The following LAPTM4B variants were observed in gnomAD, a reference collection of about 807,000 sequenced individuals.
The protein encoded by LAPTM4B is lysosomal-associated transmembrane protein 4B.
In LAPTM4B, 26 loss-of-function variants were observed where a neutral mutation model predicts 28.5. That is an observed-to-expected ratio of 0.91 (90% CI 0.67 to 1.27). The LOEUF (loss-of-function observed/expected upper bound fraction) is 1.27. LAPTM4B is among the 50% of genes most tolerant of loss of function. The pLI is 0.00. For missense variants in LAPTM4B, 288 were observed against 285.8 expected (o/e 1.01, Z -0.06); for synonymous variants, 109 against 106.4 (o/e 1.02, Z -0.15).
chr8:97,822,275 T>G, intron 5 of LAPTM4B, among the ~76,000 whole-genome samples: 1 of 151,636 alleles, frequency 6.6e-6, no homozygotes, highest in African/African-American at 2.4e-5. Context: ...CTGCTTGTTT[T>G]TGGTCAGTCT....
chr8:97,825,925 C>T (rs1346562283), intron 6 of LAPTM4B, among the ~76,000 whole-genome samples: 4 of 152,064 alleles, frequency 2.6e-5, no homozygotes, highest in African/African-American at 7.2e-5. Flanking sequence ...TGGGTCAAAA[C>T]GGATAGGATT....
intron 1 of LAPTM4B, among the ~76,000 whole-genome samples, chr8:97,781,981 CT>C (rs140423500): frequency 0.46 from 64,125 of 139,856 alleles, 14,556 homozygotes; most frequent in African/African-American, 0.61. Flanking sequence ...ACTTTGGGGA[CT>C]TTTTTTTTTT....
At chr8:97,821,661 G>T (rs969397220) in intron 5 of LAPTM4B, among the ~76,000 whole-genome samples, 3 of 152,274 alleles carry the variant, frequency 2.0e-5, no homozygotes, top group Middle Eastern at 3.4e-3. Flanking sequence ...CTTCTAATTC[G>T]AGATGCAATC....
intron 1 of LAPTM4B, among the ~76,000 whole-genome samples, chr8:97,776,345 C>A (rs1268139192): frequency 6.6e-6 from 1 of 152,240 alleles, no homozygotes; most frequent in Non-Finnish European, 1.5e-5. Flanking sequence ...GAGGGCCGCA[C>A]TCGACCCTTG....
At chr8:97,785,725 G>C (rs907203073) in intron 1 of LAPTM4B, among the ~76,000 whole-genome samples, 2 of 152,184 alleles carry the variant, frequency 1.3e-5, no homozygotes, top group African/African-American at 4.8e-5. Flanking sequence ...TTCGTGATTG[G>C]CTATCCATTG....
Position 97,819,222 on chromosome 8 carries a change from T to A in LAPTM4B, c.491T>A (p.Ile164Asn), listed in dbSNP as rs1348284812. 1 of 1,584,406 alleles carries A rather than the reference T, an allele frequency of 6.3e-7. No individual in the cohort carries two copies. The highest frequency in any genetic ancestry group is 1.3e-5 in the African/African-American group (1 of 74,334). ...CTTATTATTCTTCTGTTTATTAGCA[T>A]TATCTTGACTTTTAAGGTAAGCATG... ...LVLIILLFIS[I>N]ILTFKGYLIS... The change falls in exon 5 of 7, where the codon ATT (isoleucine) becomes AAT (asparagine). Residue 164 changes from isoleucine (I) to asparagine (N), a missense_variant. Ile to Asn is a moderately radical substitution (Grantham distance 149, BLOSUM62 -3). Coordinates refer to ENST00000521545, the MANE Select transcript of LAPTM4B (RefSeq NM_018407.6).
intron 6 of LAPTM4B, among the ~76,000 whole-genome samples, chr8:97,835,293 C>A (rs1359465064): frequency 6.6e-6 from 1 of 152,142 alleles, no homozygotes; most frequent in Non-Finnish European, 1.5e-5. Flanking sequence ...TGTGGTTTTT[C>A]CTCCTCTTCT....
At chr8:97,813,229 G>A (rs1816854901) in intron 2 of LAPTM4B, among the ~76,000 whole-genome samples, 1 of 152,230 alleles carries the variant, frequency 6.6e-6, no homozygotes, top group South Asian at 2.1e-4. Flanking sequence ...GCAGCCTTCA[G>A]TTTGTGGCCA....
chr8:97,780,724 G>T (rs1352822586), intron 1 of LAPTM4B, among the ~76,000 whole-genome samples: 1 of 152,112 alleles, frequency 6.6e-6, no homozygotes, highest in African/African-American at 2.4e-5. Flanking sequence ...CCCATGGTTG[G>T]TTTATGATCT....
chr8:97,823,623 C>G (rs1035438018), intron 5 of LAPTM4B, among the ~76,000 whole-genome samples: 7 of 151,650 alleles, frequency 4.6e-5, no homozygotes, highest in Non-Finnish European at 8.8e-5. Flanking sequence ...GATCCACCCA[C>G]CTCGGCCTCC....
At chr8:97,851,371 C>T (rs1419865493) in intron 6 of LAPTM4B, 26 bp from the exon 7 acceptor site, 3 of 1,546,852 alleles carry the variant, frequency 1.9e-6, no homozygotes, top group Admixed American at 1.7e-5. Flanking sequence ...CAAACATTAA[C>T]TCTTGCCGTC....
chr8:97,815,339 G>C lies in LAPTM4B; in HGVS notation c.223G>C (p.Ala75Pro), dbSNP rs1816893130. 1 of 1,613,788 alleles carries C rather than the reference G, an allele frequency of 6.2e-7. No homozygotes were observed. The highest frequency in any genetic ancestry group is 1.7e-5 in the Admixed American group (1 of 60,018). Residue 75 changes from alanine (A) to proline (P), a missense_variant, in exon 3 of 7, where the codon GCC (alanine) becomes CCC (proline). Physicochemically the swap from Ala to Pro is conservative, Grantham distance 27. Transcript: ENST00000521545. ...EFMDDANMCI[A>P]IAISLLMILI... The stretch of plus-strand genomic sequence containing the variant: ...TAATCTTTCGGCAGACATGTGCATT[G>C]CCATTGCGATTTCTCTTCTCATGAT...
chr8:97,828,434 C>T (rs1430376210), intron 6 of LAPTM4B, among the ~76,000 whole-genome samples: 4 of 151,912 alleles, frequency 2.6e-5, no homozygotes, highest in Non-Finnish European at 4.4e-5. Context: ...AGACAAGGTC[C>T]GAATAAGAGA....
chr8:97,848,212 A>C (rs1172394924), intron 6 of LAPTM4B, among the ~76,000 whole-genome samples: 1 of 152,210 alleles, frequency 6.6e-6, no homozygotes, highest in Non-Finnish European at 1.5e-5. Flanking sequence ...CACTCAGCCG[A>C]GATCGCGCCA....
intron 1 of LAPTM4B, among the ~76,000 whole-genome samples, chr8:97,804,115 C>T (rs1040885609): frequency 4.6e-5 from 7 of 152,116 alleles, no homozygotes; most frequent in South Asian, 2.1e-4. Flanking sequence ...CCCAGTGATG[C>T]GCACCTGTAG....
intron 6 of LAPTM4B, among the ~76,000 whole-genome samples, chr8:97,850,384 A>G (rs1475951138): frequency 6.6e-6 from 1 of 151,290 alleles, no homozygotes; most frequent in Non-Finnish European, 1.5e-5. Context: ...CCCTCGAGGA[A>G]GTGAGACCTG....
In LAPTM4B at chr8:97,830,711, C is replaced by T. The variant is rs115717828; in HGVS notation, c.603+5558C>T. On this transcript the variant is annotated intron_variant, in intron 6 of 6. Coordinates refer to ENST00000521545, the MANE Select transcript of LAPTM4B (RefSeq NM_018407.6). ...AGTGGGGAAGGTTCTGTAGACGGAC[C>T]GTGGTTGGAGTGCTGTAAACAACCT... Among the ~76,000 whole-genome samples the T allele has an allele frequency of 6.0e-3, 920 of 152,106 alleles. 9 individuals are homozygous for T. Among genetic ancestry groups the T allele is most frequent in the African/African-American group, 0.021 (863 of 41,478 alleles).
intron 1 of LAPTM4B, among the ~76,000 whole-genome samples, chr8:97,794,599 G>T (rs1174186759): frequency 7.2e-6 from 1 of 138,214 alleles, no homozygotes; most frequent in Non-Finnish European, 1.7e-5. Context: ...AGTTTATTTT[G>T]ATATCAGAAC....
intron 1 of LAPTM4B, among the ~76,000 whole-genome samples, chr8:97,800,838 G>T (rs1167632997): frequency 1.3e-5 from 2 of 152,044 alleles, no homozygotes; most frequent in Non-Finnish European, 2.9e-5. Context: ...ACAAAGTCAG[G>T]TGGTGGCTCG....
Sources: allele counts gnomAD v4.1 joint callset (sites outside exome capture counted in the v4.1 genomes callset), GRCh38; gene constraint gnomAD v4.1.1; transcripts MANE v1.5; gene names NCBI Gene and HGNC (gene_info 2026-07-23, HGNC 2026-07-21).